TJP1: variants seen among roughly 807,000 people sequenced by gnomAD.
TJP1 encodes the protein tight junction protein ZO-1.
In TJP1, 43 loss-of-function variants were observed where a neutral mutation model predicts 194.2. The ratio of observed to expected loss-of-function variants is 0.22; its 90% CI spans 0.17 to 0.29. TJP1 has a LOEUF of 0.29. Ranked by LOEUF, TJP1 falls within the 10% of genes least tolerant of loss-of-function variation. TJP1 has a pLI of 1.00. For missense variants in TJP1, 1,971 were observed against 2,185.7 expected, an observed-to-expected ratio of 0.90 and a Z score of 1.96; for synonymous variants, 801 against 779.0, an observed-to-expected ratio of 1.03 and a Z score of -0.47.
At chr15:29,871,528 C>CTGGGAAAGCTTGCCG (rs1196196528) in intron 2 of TJP1, among the ~76,000 whole-genome samples, 2 of 152,254 alleles carry the variant, frequency 1.3e-5, no homozygotes, top group Admixed American at 6.5e-5. Flanking sequence ...ACCTGCGCCT[C>CTGGGAAAGCTTGCCG]TGGGAAAGCT....
At chr15:29,758,629 T>G (rs751382001) in intron 8 of TJP1, among the ~76,000 whole-genome samples, 4 of 152,204 alleles carry the variant, frequency 2.6e-5, no homozygotes, top group Non-Finnish European at 5.9e-5. Flanking sequence ...TACTTAAGCA[T>G]GGTTTCTAGC....
At chr15:29,941,577 C>T (rs2055079186) in intron 2 of TJP1, among the ~76,000 whole-genome samples, 1 of 152,146 alleles carries the variant, frequency 6.6e-6, no homozygotes, top group Non-Finnish European at 1.5e-5. Flanking sequence ...GGTCCCCCCT[C>T]TGCCCCCTCA....
At chr15:29,724,831 C>A (rs538400149) in intron 18 of TJP1, among the ~76,000 whole-genome samples, 1 of 152,132 alleles carries the variant, frequency 6.6e-6, no homozygotes, top group African/African-American at 2.4e-5. Flanking sequence ...TTTTTCCTCA[C>A]ATAAAAAGCT....
At position 29,928,552 on chromosome 15, in the gene TJP1, C is replaced by T. The variant is rs1203179315; in HGVS notation, c.306+27680G>A. On this transcript the variant is annotated intron_variant, in intron 2 of 28. Coordinates refer to the TJP1 transcript ENST00000356107. ...ACATCCAACAGAAACTCATGCACATCTACATCAAGAGACATAGACAAGATA... is the reference window on the plus strand; with the variant it reads ...ACATCCAACAGAAACTCATGCACATTTACATCAAGAGACATAGACAAGATA... 3.9e-5 allele frequency among the ~76,000 whole-genome samples: 6 copies of T among 152,182 alleles called. No individual in the cohort carries two copies. The East Asian group carries it at 1.2e-3, about 29-fold the overall frequency.
At chr15:29,710,262 T>A (rs2042157993) in intron 24 of TJP1, among the ~76,000 whole-genome samples, 1 of 152,056 alleles carries the variant, frequency 6.6e-6, no homozygotes, top group Non-Finnish European at 1.5e-5. Flanking sequence ...ATAGCCTCAA[T>A]CCAGAACTAT....
Position 29,718,364 on chromosome 15 carries a change from T to G in TJP1, c.3778A>C (p.Lys1260Gln), listed in dbSNP as rs375005353. 38 of 1,614,010 alleles carry G rather than the reference T, an allele frequency of 2.4e-5. No homozygotes were observed. The African/African-American group carries it at 4.7e-4, about 20-fold the overall frequency. Residue 1260 changes from lysine to glutamine, a missense_variant, in exon 21 of 28, where the codon AAG becomes CAG. Physicochemically the swap from Lys to Gln is moderately conservative, Grantham distance 53. This residue lies in a region of TJP1 where 1,108 missense variants were observed against 1,128.5 expected (regional missense o/e 0.98). Coordinates refer to ENST00000614355, the MANE Select transcript of TJP1 (RefSeq NM_001330239.4). ...QTEEEEDPAM[K>Q]PQSVLTRVKM... ...ACTCTGGTGAGTACAGACTGTGGCT[T>G]CATTGCTGGATCTTCCTCTTCTTCG...
In TJP1 at chr15:29,733,172, T is replaced by G; in HGVS notation, c.1658A>C (p.Lys553Thr). 1.2e-6 allele frequency: 2 copies of G among 1,614,112 alleles called. No individual in the cohort carries two copies. The highest frequency in any genetic ancestry group is 1.7e-6 in the Non-Finnish European group (2 of 1,180,008). ...FRVVDTLYNGKLGSWLAIRIG... is the reference protein window; with the variant it reads ...FRVVDTLYNGTLGSWLAIRIG... ...TCGAATAGCAAGCCAAGAGCCCAGT[T>G]TTCCATTGTACAAGGTATCCACAAC... The change falls in exon 13 of 28, where the codon AAA becomes ACA. Residue 553 changes from lysine to threonine, a missense_variant. By Grantham distance (78) the Lys-to-Thr change is moderately conservative. Around this residue, in one of 5 missense-constraint regions of TJP1, gnomAD observed 402 missense variants for 484.2 expected, o/e 0.83. Coordinates refer to ENST00000614355, the MANE Select transcript of TJP1 (RefSeq NM_001330239.4).
chr15:29,916,596 G>A (rs2054194529), intron 2 of TJP1, among the ~76,000 whole-genome samples: 1 of 152,126 alleles, frequency 6.6e-6, no homozygotes, highest in African/African-American at 2.4e-5. Context: ...CTACGCAAAC[G>A]TTGTTGCACA....
chr15:29,926,712 T>A (rs762599271), intron 2 of TJP1, among the ~76,000 whole-genome samples: 11 of 152,206 alleles, frequency 7.2e-5, no homozygotes, highest in Non-Finnish European at 1.5e-4. Flanking sequence ...TTTCTTCATC[T>A]TGATTTCTAC....
At chr15:29,707,507 T>C (rs1393729310) in intron 25 of TJP1, among the ~76,000 whole-genome samples, 1 of 152,130 alleles carries the variant, frequency 6.6e-6, no homozygotes, top group African/African-American at 2.4e-5. Flanking sequence ...TAACCATCCT[T>C]TCTCTTGGAA....
upstream of TJP1, among the ~76,000 whole-genome samples, chr15:29,824,880 AAC>A (rs1470480915): frequency 5.3e-5 from 8 of 152,224 alleles, no homozygotes; most frequent in Non-Finnish European, 1.0e-4. Flanking sequence ...TTATATATTT[AAC>A]AGTTTTATCT....
At chr15:29,737,110 T>C (rs925915572) in intron 11 of TJP1, among the ~76,000 whole-genome samples, 154 bp downstream of exon 11, 2 of 152,072 alleles carry the variant, frequency 1.3e-5, no homozygotes, top group African/African-American at 4.8e-5. Flanking sequence ...CAGCATAAGG[T>C]AGACCTGATG....
At position 29,718,650 on chromosome 15, in the gene TJP1, C is replaced by T. The variant is rs1475398873; in HGVS notation, c.3492G>A (p.Gly1164=). The change falls in exon 21 of 28, where the codon GGG becomes GGA. Residue 1164 remains glycine, a synonymous_variant. Coordinates refer to ENST00000614355, the MANE Select transcript of TJP1 (RefSeq NM_001330239.4). Reference sequence around the variant, plus strand: ...GTCTGAGTCTACCATGTGTGTCATACCCAGGAGCTGGCTGCTCTTCGTGCC... The same window carrying T: ...GTCTGAGTCTACCATGTGTGTCATATCCAGGAGCTGGCTGCTCTTCGTGCC... ...ALRHEEQPAP[G]YDTHGRLRPE... is the part of the protein sequence containing the mutation. 2 of 1,614,170 alleles carry T rather than the reference C, an allele frequency of 1.2e-6. No homozygotes were observed. Among genetic ancestry groups the T allele is most frequent in the Admixed American group, 3.3e-5 (2 of 60,026 alleles).
At position 29,700,600 on chromosome 15, in the gene TJP1, A is replaced by G. The variant is rs1777567580; in HGVS notation, c.*995T>C. The G allele has an allele frequency of 2.5e-6, 1 of 396,376 alleles. No individual in the cohort carries two copies. Among genetic ancestry groups the G allele is most frequent in the Admixed American group, 4.4e-5 (1 of 22,664 alleles). 24.6% of individuals were successfully genotyped at this position (396,376 alleles called of 1,614,324 possible). On this transcript the variant is annotated 3_prime_UTR_variant, in exon 28 of 28. Coordinates refer to ENST00000614355, the MANE Select transcript of TJP1 (RefSeq NM_001330239.4). ...ATGTATAAAAAAGGTAAAGTTTATA[A>G]AAGTTAATTTACAAACCAAGAACAA...
intron 2 of TJP1, among the ~76,000 whole-genome samples, chr15:29,901,495 G>A (rs1291842958): frequency 6.6e-6 from 1 of 152,126 alleles, no homozygotes; most frequent in Non-Finnish European, 1.5e-5. Context: ...GATGCTTCTG[G>A]TGTGTTCTGC....
At chr15:29,937,953 C>T (rs2054937984) in intron 2 of TJP1, among the ~76,000 whole-genome samples, 1 of 152,182 alleles carries the variant, frequency 6.6e-6, no homozygotes, top group South Asian at 2.1e-4. Context: ...CATGTCTTAC[C>T]AATCTTACTG....
intron 23 of TJP1, 48 bp downstream of exon 23, chr15:29,716,563 G>T: frequency 7.3e-7 from 1 of 1,366,628 alleles, no homozygotes; most frequent in Non-Finnish European, 1.0e-6. Flanking sequence ...AACTGCACGG[G>T]ATTAATATGC....
At chr15:29,886,210 A>C (rs554569565) in intron 2 of TJP1, among the ~76,000 whole-genome samples, 1 of 152,342 alleles carries the variant, frequency 6.6e-6, no homozygotes, top group Non-Finnish European at 1.5e-5. Context: ...TAAGGTACTA[A>C]GAAATGTCTC....
At chr15:29,850,274 T>A (rs762626031) in intron 2 of TJP1, among the ~76,000 whole-genome samples, 1 of 152,042 alleles carries the variant, frequency 6.6e-6, no homozygotes, top group Non-Finnish European at 1.5e-5. Flanking sequence ...GCTTCTAGAG[T>A]CCTATTTATT....
Sources: gnomAD v4.1 joint callset for allele counts (sites outside exome capture counted in the v4.1 genomes callset) on GRCh38, gnomAD v4.1.1 for gene constraint, gnomAD v4.1.1 regional missense constraint, MANE v1.5 for transcripts, NCBI Gene and HGNC (gene_info 2026-07-23, HGNC 2026-07-21) for gene names.